CCDC88C: variants seen among roughly 807,000 people sequenced by gnomAD.
The protein encoded by CCDC88C is protein Daple.
In CCDC88C, 131 loss-of-function variants were observed where a neutral mutation model predicts 198.8. That is an observed-to-expected ratio of 0.66 (90% CI 0.57 to 0.76). CCDC88C has a LOEUF of 0.76. Among genes scored for constraint, CCDC88C ranks in the 30% least tolerant of loss-of-function variants. The pLI is 0.00. For missense variants in CCDC88C, 2,553 were observed against 2,631.6 expected (o/e 0.97, Z 0.65); for synonymous variants, 1,166 against 1,114.7 (o/e 1.05, Z -0.92).
chr14:91,373,645 T>C (rs72701442), intron 3 of CCDC88C, among the ~76,000 whole-genome samples: 5,209 of 152,274 alleles, frequency 0.034, 141 homozygotes, highest in Non-Finnish European at 0.054. Flanking sequence ...CAAGAATGTA[T>C]TCTATAGCAG....
chr14:91,338,450 G>T lies in CCDC88C; in HGVS notation c.891+39C>A. The T allele has an allele frequency of 6.6e-7, 1 of 1,524,836 alleles. No individual in the cohort carries two copies. The highest frequency in any genetic ancestry group is 8.9e-7 in the Non-Finnish European group (1 of 1,122,592). The allele number at this position is 1,524,836 out of a possible 1,614,324, so 94.5% of individuals were successfully genotyped here. On this transcript the variant is annotated intron_variant, in intron 9 of 29. Transcript: ENST00000389857. The surrounding 1 kb of genome is among the most constrained non-coding windows in gnomAD (Gnocchi z 4.8). ...CCCCGTTACTGGACACTCCAGCCCTGCTACCCCCAGGACACACAGGCTCAG... is the reference window on the plus strand; with the variant it reads ...CCCCGTTACTGGACACTCCAGCCCTTCTACCCCCAGGACACACAGGCTCAG...
chr14:91,359,791 G>A (rs1181112491), intron 3 of CCDC88C, 80 bp from the exon 4 acceptor site: 1 of 1,298,188 alleles, frequency 7.7e-7, no homozygotes. Context: ...TACAAGTAAT[G>A]AAGCCCCCGG....
At chr14:91,350,429 C>T (rs143936318) in intron 4 of CCDC88C, among the ~76,000 whole-genome samples, 6 of 152,190 alleles carry the variant, frequency 3.9e-5, no homozygotes, top group Admixed American at 6.5e-5. Context: ...CCCAAAGTGC[C>T]GGGATTACAG....
At chr14:91,310,401 C>G (rs918827239) in intron 15 of CCDC88C, among the ~76,000 whole-genome samples, 4 of 152,014 alleles carry the variant, frequency 2.6e-5, no homozygotes, top group Non-Finnish European at 4.4e-5. Context: ...TTATTTTAAA[C>G]CCTGGATCTG....
rs866536279 is a variant in CCDC88C at position 91,325,565 on chromosome 14, C to T, written c.1197+345G>A. Among the ~76,000 whole-genome samples the T allele has an allele frequency of 6.6e-6, 1 of 152,078 alleles. No individual in the cohort carries two copies. The highest frequency in any genetic ancestry group is 1.5e-5 in the Non-Finnish European group (1 of 68,004). ...GCCATAAACCTGAACCTGCCCCAATCGGTTTTCTTTTCTTTCTTTCTTTTT... is the reference window on the plus strand; with the variant it reads ...GCCATAAACCTGAACCTGCCCCAATTGGTTTTCTTTTCTTTCTTTCTTTTT... On this transcript the variant is annotated intron_variant, in intron 11 of 29. Coordinates refer to ENST00000389857, the MANE Select transcript of CCDC88C (RefSeq NM_001080414.4). The surrounding 1 kb of genome is among the most constrained non-coding windows in gnomAD (Gnocchi z 4.1).
chr14:91,283,447 G>A lies in CCDC88C; in HGVS notation c.4512C>T (p.Thr1504=), dbSNP rs760856363. Residue 1504 remains threonine, a synonymous_variant, in exon 26 of 30, where the codon ACC becomes ACT. Transcript: ENST00000389857. Reference sequence around the variant, plus strand: ...AGGGCCAGGACCTCATGGCCAGATCGGTGGAGGCATCTGTGCGGTCAAGGC... The same window carrying A: ...AGGGCCAGGACCTCATGGCCAGATCAGTGGAGGCATCTGTGCGGTCAAGGC... ...RGSLDRTDAS[T]DLAMRSWPSE... The A allele has an allele frequency of 6.8e-6, 11 of 1,613,374 alleles. No individual in the cohort carries two copies. Among genetic ancestry groups the A allele is most frequent in the Admixed American group, 5.0e-5 (3 of 59,928 alleles).
Position 91,408,695 on chromosome 14 carries a change from C to T in CCDC88C, c.234G>A (p.Leu78=). The change falls in exon 3 of 30, where the codon TTG becomes TTA. Residue 78 remains leucine (L), a synonymous_variant. Transcript: ENST00000389857. ...NNDVNLRIQN[L]TILVRNIKTY... Reference sequence around the variant, plus strand: ...TCTTAATGTTTCTCACCAAGATGGTCAAATTCTGAATGCGAAGGTTCACAT... The same window carrying T: ...TCTTAATGTTTCTCACCAAGATGGTTAAATTCTGAATGCGAAGGTTCACAT... The T allele has an allele frequency of 6.2e-7, 1 of 1,613,672 alleles. No homozygotes were observed. The highest frequency in any genetic ancestry group is 8.5e-7 in the Non-Finnish European group (1 of 1,179,616).
intron 10 of CCDC88C, among the ~76,000 whole-genome samples, 191 bp downstream of exon 10, chr14:91,337,814 T>C (rs1893114861): frequency 6.6e-6 from 1 of 152,200 alleles, no homozygotes; most frequent in Non-Finnish European, 1.5e-5. Context: ...TACCCTCCCC[T>C]GCTGACTGGG....
intron 3 of CCDC88C, among the ~76,000 whole-genome samples, chr14:91,366,921 A>G (rs564066601): frequency 6.6e-5 from 10 of 152,228 alleles, no homozygotes; most frequent in Admixed American, 1.3e-4. Context: ...TGCTCCAACA[A>G]AAAGGTCATT....
intron 4 of CCDC88C, among the ~76,000 whole-genome samples, chr14:91,347,462 C>T (rs796553530): frequency 7.2e-5 from 11 of 152,088 alleles, no homozygotes; most frequent in African/African-American, 1.2e-4. Context: ...ACTCTGAGGC[C>T]GGGTGAACTC....
chr14:91,326,147 T>C, intron 10 of CCDC88C, 91 bp from the exon 11 acceptor site: 2 of 1,205,046 alleles, frequency 1.7e-6, no homozygotes, highest in Admixed American at 2.2e-5. Context: ...TTCAGGCATC[T>C]GGACCCAAGC....
chr14:91,397,793 A>AC (rs1885942155), intron 3 of CCDC88C, among the ~76,000 whole-genome samples: 1 of 152,014 alleles, frequency 6.6e-6, no homozygotes, highest in African/African-American at 2.4e-5. Context: ...CACACGCAGC[A>AC]CCCCCACCCC....
At chr14:91,359,160 CTTT>C (rs950112450) in intron 4 of CCDC88C, among the ~76,000 whole-genome samples, 27 of 108,656 alleles carry the variant, frequency 2.5e-4, no homozygotes, top group Non-Finnish European at 4.2e-4. Context: ...AGGCTTCATT[CTTT>C]TTTTTTTTTT....
At chr14:91,301,045 G>A (rs748894060) in intron 20 of CCDC88C, among the ~76,000 whole-genome samples, 4 of 152,194 alleles carry the variant, frequency 2.6e-5, no homozygotes, top group South Asian at 2.1e-4. Context: ...TGTTGGAAAA[G>A]CACATTAATC....
intron 4 of CCDC88C, among the ~76,000 whole-genome samples, chr14:91,351,092 G>A (rs1291684170): frequency 1.3e-5 from 2 of 152,176 alleles, no homozygotes; most frequent in Non-Finnish European, 2.9e-5. Flanking sequence ...GACTGAGTGA[G>A]GTTAACTGTT....
chr14:91,387,558 C>A (rs576029461), intron 3 of CCDC88C, among the ~76,000 whole-genome samples: 1 of 152,284 alleles, frequency 6.6e-6, no homozygotes, highest in Admixed American at 6.5e-5. Context: ...AACTGACAAA[C>A]CTGAACTCTC....
intron 3 of CCDC88C, chr14:91,384,649 A>G (rs1885017536): frequency 2.6e-6 from 1 of 385,220 alleles, no homozygotes; most frequent in Non-Finnish European, 5.1e-6. Context: ...AAGGGTGGCC[A>G]GCCTACCCCA....
intron 3 of CCDC88C, among the ~76,000 whole-genome samples, chr14:91,362,875 G>A (rs1316265238): frequency 6.6e-6 from 1 of 151,856 alleles, no homozygotes; most frequent in African/African-American, 2.4e-5. Flanking sequence ...GTTACAGTGA[G>A]CCGAGATTGG....
chr14:91,302,538 C>T (rs1567061539), intron 20 of CCDC88C, among the ~76,000 whole-genome samples: 1 of 152,188 alleles, frequency 6.6e-6, no homozygotes, highest in Non-Finnish European at 1.5e-5. Context: ...GATTGGCTGA[C>T]TTAATGAATA....
Sources: allele counts gnomAD v4.1 joint callset (sites outside exome capture counted in the v4.1 genomes callset), GRCh38; gene constraint gnomAD v4.1.1; non-coding constraint Gnocchi (gnomAD v3.1); transcripts MANE v1.5; gene names NCBI Gene and HGNC (gene_info 2026-07-23, HGNC 2026-07-21).